The following ATP9A variants were observed in gnomAD, a reference collection of about 807,000 sequenced individuals.
ATP9A encodes ATPase phospholipid transporting 9A, also known as probable phospholipid-transporting ATPase IIA.
ATP9A carries 52 observed loss-of-function variants against 144.1 expected under a neutral mutation model. That is an observed-to-expected ratio of 0.36 (90% CI 0.29 to 0.45). The LOEUF is 0.45. Among genes scored for constraint, ATP9A ranks in the 20% least tolerant of loss-of-function variants. The probability of loss-of-function intolerance (pLI) is 1.00; values close to 1 mark genes in which losing one functional copy is unlikely to be tolerated. For missense variants in ATP9A, 947 were observed against 1,392.7 expected (o/e 0.68, Z 5.09); for synonymous variants, 582 against 557.4 (o/e 1.04, Z -0.62).
chr20:51,706,282 T>A (rs1185734148), intron 4 of ATP9A, among the ~76,000 whole-genome samples: 1 of 152,248 alleles, frequency 6.6e-6, no homozygotes, highest in Non-Finnish European at 1.5e-5. Flanking sequence ...AGGTTTTACA[T>A]GCAAACAAGC....
chr20:51,726,018 A>G (rs2077710956), intron 2 of ATP9A, 86 bp from the exon 3 acceptor site: 6 of 833,534 alleles, frequency 7.2e-6, no homozygotes, highest in South Asian at 1.5e-5. Context: ...AATAACATCT[A>G]AAAACATTCC....
At chr20:51,607,695 T>C in intron 25 of ATP9A, 111 bp from the exon 26 acceptor site, 1 of 785,236 alleles carries the variant, frequency 1.3e-6, no homozygotes, top group East Asian at 2.6e-5. Flanking sequence ...CCCATCTGTC[T>C]TCATCAATAA....
chr20:51,755,389 C>T (rs763267270), intron 1 of ATP9A, among the ~76,000 whole-genome samples: 15 of 149,588 alleles, frequency 1.0e-4, no homozygotes, highest in African/African-American at 2.2e-4. Context: ...GAGCCAAGAA[C>T]GCGCCTCTGC....
At chr20:51,742,450 C>G (rs1005385280) in intron 1 of ATP9A, among the ~76,000 whole-genome samples, 5 of 152,148 alleles carry the variant, frequency 3.3e-5, no homozygotes, top group Admixed American at 1.3e-4. Context: ...TCCACTCCAG[C>G]TGGCTGCTGC....
intron 25 of ATP9A, 147 bp downstream of exon 25, chr20:51,608,371 G>GC: frequency 1.6e-6 from 1 of 624,166 alleles, no homozygotes; most frequent in Non-Finnish European, 2.9e-6. Context: ...CCCCCCAAAA[G>GC]TAAAAAAGCT....
chr20:51,690,109 C>CA (rs796336088), intron 8 of ATP9A, among the ~76,000 whole-genome samples: 2,260 of 59,834 alleles, frequency 0.038, 495 homozygotes, highest in African/African-American at 0.072. Context: ...GAGACCGTCT[C>CA]AAAAAAAAAA....
intron 9 of ATP9A, among the ~76,000 whole-genome samples, chr20:51,683,987 C>T (rs2077511433): frequency 6.6e-6 from 1 of 152,104 alleles, no homozygotes; most frequent in Non-Finnish European, 1.5e-5. Context: ...CAAAAGATCC[C>T]AGCCTGGGCA....
At chr20:51,630,673 C>T (rs2077266498) in intron 15 of ATP9A, among the ~76,000 whole-genome samples, 1 of 152,128 alleles carries the variant, frequency 6.6e-6, no homozygotes, top group Middle Eastern at 3.4e-3. Context: ...TGCTCTCCAA[C>T]CTGGGCAACA....
chr20:51,763,396 T>C (rs2093452961), intron 1 of ATP9A, among the ~76,000 whole-genome samples: 1 of 151,156 alleles, frequency 6.6e-6, no homozygotes, highest in African/African-American at 2.4e-5. Flanking sequence ...CACTGCCAGC[T>C]CTGCCTCCTG....
intron 9 of ATP9A, among the ~76,000 whole-genome samples, chr20:51,686,946 C>T (rs1222948887): frequency 2.0e-5 from 3 of 149,490 alleles, no homozygotes; most frequent in East Asian, 3.9e-4. Context: ...TTTTTTAAGC[C>T]AACTAGTAAC....
chr20:51,709,450 G>A (rs190972161), intron 4 of ATP9A, among the ~76,000 whole-genome samples: 35 of 152,218 alleles, frequency 2.3e-4, no homozygotes, highest in African/African-American at 8.4e-4. Flanking sequence ...GGGAGGCAGA[G>A]GTTGCAGTGA....
intron 21 of ATP9A, 101 bp downstream of exon 21, chr20:51,618,561 G>A: frequency 6.8e-7 from 1 of 1,467,126 alleles, no homozygotes; most frequent in African/African-American, 1.4e-5. Context: ...AGGGGCCTGG[G>A]GAATTTGAAG....
intron 1 of ATP9A, among the ~76,000 whole-genome samples, chr20:51,767,060 C>T (rs1406120225): frequency 7.5e-6 from 1 of 133,896 alleles, no homozygotes; most frequent in Non-Finnish European, 1.6e-5. Context: ...ACAAAATGGC[C>T]GCCAGCACCA....
intron 1 of ATP9A, among the ~76,000 whole-genome samples, chr20:51,731,203 C>T (rs1029617525): frequency 2.0e-5 from 3 of 151,906 alleles, no homozygotes; most frequent in Non-Finnish European, 4.4e-5. Flanking sequence ...ACTCGGGAGG[C>T]TGAGGCAGGA....
Position 51,622,086 on chromosome 20 carries a change from G to T in ATP9A, c.2103C>A (p.His701Gln). ...GAGGACACTTTACCAGCCGAAAAAC[G>T]TGGATGTCTTGGTTTCTGGTCACCA... ...AHLVTRNQDIHVFRLVTNRGE... is the reference protein window; with the variant it reads ...AHLVTRNQDIQVFRLVTNRGE... The change falls in exon 19 of 28, where the codon CAC becomes CAA. Residue 701 changes from histidine (H) to glutamine (Q), a missense_variant. Coordinates refer to ENST00000338821, the MANE Select transcript of ATP9A (RefSeq NM_006045.3). 1 of 1,614,062 alleles carries T rather than the reference G, an allele frequency of 6.2e-7. No homozygotes were observed. The highest frequency in any genetic ancestry group is 8.5e-7 in the Non-Finnish European group (1 of 1,179,982).
chr20:51,747,507 GA>G (rs1490321174), intron 1 of ATP9A, among the ~76,000 whole-genome samples: 3 of 151,746 alleles, frequency 2.0e-5, no homozygotes, highest in African/African-American at 7.3e-5. Flanking sequence ...GGTTAAATGG[GA>G]AGAAAAAAAG....
At chr20:51,688,733 A>T (rs867195146) in intron 9 of ATP9A, among the ~76,000 whole-genome samples, 11 of 152,144 alleles carry the variant, frequency 7.2e-5, no homozygotes, top group African/African-American at 2.7e-4. Context: ...CCAGCGCGAC[A>T]TACCCTACAA....
At chr20:51,632,324 C>T (rs563961270) in intron 15 of ATP9A, among the ~76,000 whole-genome samples, 3 of 152,342 alleles carry the variant, frequency 2.0e-5, no homozygotes, top group Admixed American at 6.5e-5. Context: ...TCAAGTGATC[C>T]TCCTGCCTTG....
chr20:51,662,238 G>A (rs1412171413), intron 13 of ATP9A, among the ~76,000 whole-genome samples: 1 of 152,144 alleles, frequency 6.6e-6, no homozygotes, highest in Non-Finnish European at 1.5e-5. Flanking sequence ...CGAATGTTTT[G>A]CGCTTGAGTT....
Sources: gnomAD v4.1 joint callset for allele counts (sites outside exome capture counted in the v4.1 genomes callset) on GRCh38, gnomAD v4.1.1 for gene constraint, MANE v1.5 for transcripts, NCBI Gene and HGNC (gene_info 2026-07-23, HGNC 2026-07-21) for gene names.